Variants in SOX6 observed in about 807,000 individuals in gnomAD.
SOX6 encodes SRY-box transcription factor 6.
SOX6 carries 11 observed loss-of-function variants against 97.8 expected under a neutral mutation model. The observed-to-expected ratio is 0.11, with a 90% CI of 0.07 to 0.19. The LOEUF (loss-of-function observed/expected upper bound fraction) is 0.19, where lower values mean the gene tolerates loss of function less well. Among genes scored for constraint, SOX6 ranks in the 10% least tolerant of loss-of-function variants. SOX6 has a pLI of 1.00. For synonymous variants in SOX6, 360 were observed against 371.4 expected, an observed-to-expected ratio of 0.97 and a Z score of 0.35; for missense variants, 810 against 1,039.5, an observed-to-expected ratio of 0.78 and a Z score of 3.04.
At chr11:16,234,318 T>C (rs987850399) in intron 4 of SOX6, among the ~76,000 whole-genome samples, 2 of 152,198 alleles carry the variant, frequency 1.3e-5, no homozygotes, top group East Asian at 1.9e-4. Flanking sequence ...AAGGTTTTTA[T>C]ACTTTTTTGT....
intron 4 of SOX6, among the ~76,000 whole-genome samples, chr11:16,514,200 C>G (rs550059350): frequency 7.1e-6 from 1 of 141,136 alleles, no homozygotes; most frequent in Non-Finnish European, 1.5e-5. Flanking sequence ...TGGGCAACAG[C>G]GCAAGTCCCT....
chr11:16,136,339 GT>G (rs1445492035), intron 6 of SOX6, among the ~76,000 whole-genome samples: 20 of 124,202 alleles, frequency 1.6e-4, no homozygotes, highest in Admixed American at 3.9e-4. Context: ...CATTGTGTGT[GT>G]GTGGTTTTTT....
intron 1 of SOX6, among the ~76,000 whole-genome samples, chr11:16,420,723 T>A (rs1005584127): frequency 1.3e-5 from 2 of 152,202 alleles, no homozygotes; most frequent in Non-Finnish European, 2.9e-5. Flanking sequence ...TTCTTCAACC[T>A]CTTTTGAATA....
At chr11:16,014,333 G>C (rs1462263620) in intron 13 of SOX6, among the ~76,000 whole-genome samples, 2 of 152,056 alleles carry the variant, frequency 1.3e-5, no homozygotes, top group Admixed American at 1.3e-4. Context: ...TCTGAAAGAC[G>C]TTAGTGATGG....
chr11:16,604,736 A>G (rs2133979334), intron 4 of SOX6, among the ~76,000 whole-genome samples: 1 of 152,336 alleles, frequency 6.6e-6, no homozygotes, highest in African/African-American at 2.4e-5. Context: ...TCAGTCGAAG[A>G]CTTATTTTTA....
chr11:16,018,065 C>T (rs922946670), intron 12 of SOX6, among the ~76,000 whole-genome samples: 1 of 152,010 alleles, frequency 6.6e-6, no homozygotes, highest in Non-Finnish European at 1.5e-5. Context: ...GGACTGTTGG[C>T]TCTCTAAGTG....
At chr11:16,384,150 T>G (rs1013066990) in intron 1 of SOX6, among the ~76,000 whole-genome samples, 1 of 151,934 alleles carries the variant, frequency 6.6e-6, no homozygotes, top group African/African-American at 2.4e-5. Flanking sequence ...TAACAGGAAC[T>G]ATCTCTGAAA....
intron 4 of SOX6, among the ~76,000 whole-genome samples, chr11:16,507,344 C>A (rs1214903531): frequency 6.6e-6 from 1 of 152,110 alleles, no homozygotes; most frequent in Non-Finnish European, 1.5e-5. Context: ...CTAACCAAAG[C>A]AACCTGTAGA....
In SOX6 at chr11:16,201,115, C is replaced by CAAA. The variant is rs58967902; in HGVS notation, c.536-14163_536-14161dup. 1.2e-3 allele frequency among the ~76,000 whole-genome samples: 118 copies of CAAA among 95,764 alleles called. No homozygotes were observed. In the East Asian group the frequency reaches 0.015, roughly 12 times the overall value. The allele number at this position is 95,764 out of a possible 152,430, so 62.8% of individuals were successfully genotyped here. A position where few individuals can be genotyped will look rare whatever the true frequency, so the allele number is the denominator to read the frequency against. On this transcript the variant is annotated intron_variant, in intron 4 of 15. Transcript: ENST00000683767. ...TCGGTGACAGAGTGAGACTCCGTCT[C>CAAA]AAAAAAAAAAAAAAAATCCCTTTAA...
chr11:16,427,908 G>A (rs1209604787), intron 1 of SOX6, among the ~76,000 whole-genome samples: 1 of 152,112 alleles, frequency 6.6e-6, no homozygotes, highest in Non-Finnish European at 1.5e-5. Flanking sequence ...TCGCCACACT[G>A]ACTTCCACAA....
chr11:16,315,869 T>C (rs12295629), intron 3 of SOX6: 79 of 152,348 alleles, frequency 5.2e-4, no homozygotes, highest in African/African-American at 1.7e-3. Context: ...TCTGCGATTA[T>C]ACCAATTGTT....
chr11:16,254,782 A>G (rs1349274048), intron 3 of SOX6, among the ~76,000 whole-genome samples: 11 of 152,080 alleles, frequency 7.2e-5, no homozygotes, highest in Non-Finnish European at 1.5e-5. Flanking sequence ...AACTACACCA[A>G]TAATCATAAA....
intron 3 of SOX6, among the ~76,000 whole-genome samples, chr11:16,653,313 C>G (rs767731247): frequency 3.9e-5 from 6 of 152,116 alleles, no homozygotes; most frequent in Non-Finnish European, 8.8e-5. Context: ...AAGACACTTG[C>G]GAGCACATTT....
chr11:16,686,066 G>A (rs995619860), intron 3 of SOX6, among the ~76,000 whole-genome samples: 1 of 152,230 alleles, frequency 6.6e-6, no homozygotes, highest in Non-Finnish European at 1.5e-5. Flanking sequence ...ACAGGGCAGT[G>A]GGGTCCTGTG....
intron 3 of SOX6, among the ~76,000 whole-genome samples, chr11:16,643,056 T>G (rs984375161): frequency 1.3e-5 from 2 of 152,218 alleles, no homozygotes; most frequent in Non-Finnish European, 2.9e-5. Flanking sequence ...TATCTACCTT[T>G]GGTCTTTGAT....
intron 4 of SOX6, among the ~76,000 whole-genome samples, chr11:16,511,161 C>T (rs1860874725): frequency 1.3e-5 from 2 of 152,146 alleles, no homozygotes; most frequent in Non-Finnish European, 2.9e-5. Flanking sequence ...TAAACTCACT[C>T]TTTGGAGGGA....
intron 3 of SOX6, among the ~76,000 whole-genome samples, chr11:16,256,636 AT>A (rs1276339974): frequency 6.6e-6 from 1 of 151,942 alleles, no homozygotes; most frequent in Non-Finnish European, 1.5e-5. Flanking sequence ...TCCCAGTAAG[AT>A]TAGAAACAAG....
In SOX6 at chr11:16,657,796, G is replaced by A. The variant is rs983841822; in HGVS notation, n.430-45536C>T. 2.6e-5 allele frequency among the ~76,000 whole-genome samples: 4 copies of A among 152,114 alleles called. No homozygotes were observed. The South Asian group carries it at 8.3e-4, about 32-fold the overall frequency. On this transcript the variant is annotated intron_variant and non_coding_transcript_variant, in intron 3 of 5. Transcript: ENST00000524520. ...TCTTCTTTAGTGAGATGTCTATTCA[G>A]ATCTTTTGCCCATTTTTTAATTGGG...
chr11:16,387,838 A>C (rs568629782), intron 1 of SOX6, among the ~76,000 whole-genome samples: 1 of 152,218 alleles, frequency 6.6e-6, no homozygotes, highest in Admixed American at 6.5e-5. Context: ...CCACCTACTT[A>C]ATATATTAAA....
Sources: gnomAD v4.1 joint callset for allele counts (sites outside exome capture counted in the v4.1 genomes callset) on GRCh38, gnomAD v4.1.1 for gene constraint, MANE v1.5 for transcripts, NCBI Gene and HGNC (gene_info 2026-07-23, HGNC 2026-07-21) for gene names.